Variants in SOX6 observed in about 807,000 individuals in gnomAD.
SOX6 encodes transcription factor SOX-6.
Under a neutral mutation model 97.8 loss-of-function variants are expected in SOX6, and 11 were observed. The observed-to-expected ratio is 0.11, with a 90% CI of 0.07 to 0.19. The LOEUF (loss-of-function observed/expected upper bound fraction) is 0.19. Among genes scored for constraint, SOX6 ranks in the 10% least tolerant of loss-of-function variants. The pLI is 1.00. For synonymous variants in SOX6, 360 were observed against 371.4 expected, an observed-to-expected ratio of 0.97 and a Z score of 0.35; for missense variants, 810 against 1,039.5, an observed-to-expected ratio of 0.78 and a Z score of 3.04.
chr11:16,368,546 G>A (rs1204333950), intron 1 of SOX6, among the ~76,000 whole-genome samples: 1 of 152,052 alleles, frequency 6.6e-6, no homozygotes. Flanking sequence ...TTGGAAAACT[G>A]TATATCTACC....
chr11:16,252,862 T>C (rs1853556925), intron 3 of SOX6, among the ~76,000 whole-genome samples: 2 of 152,088 alleles, frequency 1.3e-5, no homozygotes, highest in Admixed American at 6.6e-5. Context: ...TTCATGAAAT[T>C]CACAGTCTGA....
At chr11:16,716,376 T>A (rs1317894738) in intron 2 of SOX6, among the ~76,000 whole-genome samples, 1 of 152,196 alleles carries the variant, frequency 6.6e-6, no homozygotes, top group Non-Finnish European at 1.5e-5. Flanking sequence ...AGAACCCATC[T>A]CTTTAAAACA....
chr11:16,548,768 G>A (rs1357444655), intron 4 of SOX6, among the ~76,000 whole-genome samples: 3 of 152,012 alleles, frequency 2.0e-5, no homozygotes, highest in Non-Finnish European at 4.4e-5. Context: ...ACAACATAGT[G>A]ACTATAGTCA....
intron 6 of SOX6, among the ~76,000 whole-genome samples, chr11:16,124,624 C>A (rs997117281): frequency 1.3e-5 from 2 of 151,928 alleles, no homozygotes; most frequent in African/African-American, 4.8e-5. Flanking sequence ...GTGCAAAGGT[C>A]AGAGCAGAAT....
intron 8 of SOX6, 71 bp downstream of exon 8, chr11:16,097,538 C>T: frequency 7.8e-7 from 1 of 1,286,188 alleles, no homozygotes; most frequent in Admixed American, 1.8e-5. Context: ...CATTATTTAG[C>T]ATACAGCTGG....
At position 16,415,390 on chromosome 11, in the gene SOX6, G is replaced by C. The variant is rs192903530; in HGVS notation, c.-5+60925C>G. On this transcript the variant is annotated intron_variant, in intron 1 of 15. Coordinates refer to the SOX6 transcript ENST00000396356. ...TAGTAACTACTAGAGGATAGGAAAG[G>C]TAACAGGGAGAAAAACAGGGAGAAG... is the stretch of plus-strand genomic sequence containing the variant. Among the ~76,000 whole-genome samples the C allele has an allele frequency of 4.6e-3, 698 of 152,042 alleles. 5 individuals carry two copies. The highest frequency in any genetic ancestry group is 0.016 in the African/African-American group (675 of 41,514).
intron 12 of SOX6, among the ~76,000 whole-genome samples, chr11:16,015,847 C>G (rs1334094756): frequency 6.6e-6 from 1 of 152,026 alleles, no homozygotes; most frequent in Non-Finnish European, 1.5e-5. Flanking sequence ...CTCCTCACTA[C>G]TCTCCTGACT....
intron 4 of SOX6, among the ~76,000 whole-genome samples, chr11:16,520,489 T>C (rs4369362): frequency 0.97 from 147,314 of 152,308 alleles, 71,437 homozygotes; most frequent in East Asian, 1. Context: ...AAGTAAACCT[T>C]GGGCCGAGCC....
At chr11:16,233,658 T>C (rs1015497107) in intron 4 of SOX6, among the ~76,000 whole-genome samples, 2 of 152,130 alleles carry the variant, frequency 1.3e-5, no homozygotes, top group African/African-American at 4.8e-5. Flanking sequence ...TATTAACTTC[T>C]TAATGAGCCT....
intron 4 of SOX6, among the ~76,000 whole-genome samples, chr11:16,525,699 T>G (rs979483675): frequency 6.6e-6 from 1 of 151,704 alleles, no homozygotes; most frequent in African/African-American, 2.4e-5. Flanking sequence ...ACAGGCAACC[T>G]ACAAAATGGG....
chr11:16,563,881 T>C (rs912325987), intron 4 of SOX6, among the ~76,000 whole-genome samples: 9 of 152,052 alleles, frequency 5.9e-5, no homozygotes, highest in Non-Finnish European at 8.8e-5. Flanking sequence ...ACCTTACCTA[T>C]AAGGGGAAAA....
At chr11:16,685,998 T>C (rs747343743) in intron 3 of SOX6, among the ~76,000 whole-genome samples, 23 of 152,232 alleles carry the variant, frequency 1.5e-4, no homozygotes, top group African/African-American at 3.4e-4. Flanking sequence ...CTGGGCCCCA[T>C]TGGGCCCCAG....
chr11:16,148,713 T>A (rs1862779307), intron 6 of SOX6, among the ~76,000 whole-genome samples: 1 of 152,066 alleles, frequency 6.6e-6, no homozygotes, highest in Admixed American at 6.6e-5. Flanking sequence ...AATGCCTCTC[T>A]CTCCTTACTT....
intron 1 of SOX6, among the ~76,000 whole-genome samples, chr11:16,383,658 C>G (rs915903385): frequency 6.6e-6 from 1 of 151,924 alleles, no homozygotes; most frequent in South Asian, 2.1e-4. Flanking sequence ...AAAATATGAA[C>G]TAATAACAAT....
chr11:16,286,955 G>A (rs1854762184), intron 3 of SOX6, among the ~76,000 whole-genome samples: 2 of 151,676 alleles, frequency 1.3e-5, no homozygotes. Context: ...GTGTAGGTTT[G>A]AAAATTTTTC....
chr11:16,200,178 A>G (rs923242485), intron 4 of SOX6, among the ~76,000 whole-genome samples: 1 of 152,190 alleles, frequency 6.6e-6, no homozygotes, highest in African/African-American at 2.4e-5. Context: ...TTGAATCTCA[A>G]AAGTTGGAAG....
At chr11:16,458,609 C>T (rs1221597646) in intron 1 of SOX6, among the ~76,000 whole-genome samples, 1 of 151,950 alleles carries the variant, frequency 6.6e-6, no homozygotes, top group East Asian at 1.9e-4. Context: ...ATGTGTGAAG[C>T]ACTCTTAATT....
chr11:16,412,202 TGCTA>T (rs977669056), intron 1 of SOX6, among the ~76,000 whole-genome samples: 4 of 152,220 alleles, frequency 2.6e-5, no homozygotes, highest in Non-Finnish European at 5.9e-5. Context: ...TCTTTGACAA[TGCTA>T]ATAACATTAT....
intron 6 of SOX6, among the ~76,000 whole-genome samples, chr11:16,118,056 G>T (rs1849397419): frequency 6.6e-6 from 1 of 152,092 alleles, no homozygotes; most frequent in African/African-American, 2.4e-5. Context: ...AACTGATTTT[G>T]CTAGCACAAA....
Sources: gnomAD v4.1 joint callset for allele counts (sites outside exome capture counted in the v4.1 genomes callset) on GRCh38, gnomAD v4.1.1 for gene constraint, MANE v1.5 for transcripts, NCBI Gene and HGNC (gene_info 2026-07-23, HGNC 2026-07-21) for gene names.